URB1: variants seen among roughly 807,000 people sequenced by gnomAD.
The protein encoded by URB1 is nucleolar pre-ribosomal-associated protein 1.
In URB1, 197 loss-of-function variants were observed where a neutral mutation model predicts 242.3. The ratio of observed to expected loss-of-function variants is 0.81; its 90% CI spans 0.72 to 0.91. The LOEUF is 0.91. Ranked by LOEUF, URB1 falls within the 40% of genes least tolerant of loss-of-function variation. URB1 has a pLI of 0.00. For missense variants in URB1, 2,721 were observed against 2,860.5 expected (o/e 0.95, Z 1.11); for synonymous variants, 1,153 against 1,201.8 (o/e 0.96, Z 0.84).
chr21:32,357,751 G>A, intron 14 of URB1, 95 bp from the exon 15 acceptor site: 2 of 1,005,016 alleles, frequency 2.0e-6, no homozygotes, highest in Non-Finnish European at 2.5e-6. Context: ...CATGGGGCCA[G>A]GCGTGGTGGC....
In URB1 at chr21:32,337,415, A is replaced by C; in HGVS notation, c.4610T>G (p.Leu1537Arg). 1 of 1,551,534 alleles carries C rather than the reference A, an allele frequency of 6.4e-7. No individual in the cohort carries two copies. The highest frequency in any genetic ancestry group is 2.4e-5 in the East Asian group (1 of 40,888). Residue 1537 changes from leucine to arginine, a missense_variant, in exon 27 of 39, where the codon CTC becomes CGC. Leu to Arg is a moderately radical substitution (Grantham distance 102, BLOSUM62 -2). Transcript: ENST00000382751. ...AVLLGAYGAT[L>R]SVLDQKILLL... Reference sequence around the variant, plus strand: ...CCTCACACCCTCACCTAGGACGCTGAGAGTGGCGCCATAGGCCCCGAGAAG... The same window carrying C: ...CCTCACACCCTCACCTAGGACGCTGCGAGTGGCGCCATAGGCCCCGAGAAG...
At position 32,375,378 on chromosome 21, in the gene URB1, G is replaced by T. The variant is rs565284130; in HGVS notation, c.750+20C>A. 3.5e-6 allele frequency: 5 copies of T among 1,440,584 alleles called. No homozygotes were observed. The South Asian group carries it at 4.1e-5, about 12-fold the overall frequency. 89.2% of individuals were successfully genotyped at this position (1,440,584 alleles called of 1,614,324 possible). ...CCAAGGGAAAACAGACAACAGAAAC[G>T]CGGATCACCAAGCACATACCTTTGT... On this transcript the variant is annotated intron_variant, in intron 6 of 38. Transcript: ENST00000382751.
Position 32,311,801 on chromosome 21 carries a change from G to A in URB1, c.*3117C>T, listed in dbSNP as rs374356072. The A allele has an allele frequency of 1.2e-5, 20 of 1,613,942 alleles. No individual in the cohort carries two copies. The highest frequency in any genetic ancestry group is 2.2e-5 in the South Asian group (2 of 91,082). On this transcript the variant is annotated 3_prime_UTR_variant, in exon 39 of 39. Coordinates refer to ENST00000382751, the MANE Select transcript of URB1 (RefSeq NM_014825.3). Reference sequence around the variant, plus strand: ...CCCTGGCAACCTCACAGGCTCAGGCGAGCTCAGTGGAGCCAGGGAGCAGAA... The same window carrying A: ...CCCTGGCAACCTCACAGGCTCAGGCAAGCTCAGTGGAGCCAGGGAGCAGAA...
chr21:32,317,670 A>G lies in URB1; in HGVS notation c.6034+6T>C, dbSNP rs2032708294. On this transcript the variant is annotated splice_donor_region_variant and intron_variant, in intron 37 of 38. Coordinates refer to ENST00000382751, the MANE Select transcript of URB1 (RefSeq NM_014825.3). Reference sequence around the variant, plus strand: ...CTCTGGGCCAGTCCTGGGTTCTGACACTCACTCATGAGCTCCCGGGCTTGG... The same window carrying G: ...CTCTGGGCCAGTCCTGGGTTCTGACGCTCACTCATGAGCTCCCGGGCTTGG... 6.4e-7 allele frequency: 1 copy of G among 1,551,374 alleles called. No individual in the cohort carries two copies. Among genetic ancestry groups the G allele is most frequent in the African/African-American group, 1.4e-5 (1 of 73,012 alleles).
chr21:32,337,424 C>T lies in URB1; in HGVS notation c.4601G>A (p.Gly1534Asp), dbSNP rs2032973634. Residue 1534 changes from glycine to aspartate, a missense_variant, in exon 27 of 39, where the codon GGC (glycine) becomes GAC (aspartate). Physicochemically the swap from Gly to Asp is moderately conservative, Grantham distance 94. Transcript: ENST00000382751. ...CTCACCTAGGACGCTGAGAGTGGCGCCATAGGCCCCGAGAAGCACTGCAAA... is the reference window on the plus strand; with the variant it reads ...CTCACCTAGGACGCTGAGAGTGGCGTCATAGGCCCCGAGAAGCACTGCAAA... ...SHFAVLLGAY[G>D]ATLSVLDQKI... 3 of 1,551,658 alleles carry T rather than the reference C, an allele frequency of 1.9e-6. No homozygotes were observed. Among genetic ancestry groups the T allele is most frequent in the Non-Finnish European group, 2.6e-6 (3 of 1,146,966 alleles).
Position 32,392,959 on chromosome 21 carries a change from G to C in URB1, c.-49C>G, listed in dbSNP as rs1601164699. 1.4e-6 allele frequency: 2 copies of C among 1,444,410 alleles called. No homozygotes were observed. The highest frequency in any genetic ancestry group is 1.8e-6 in the Non-Finnish European group (2 of 1,098,102). The allele number at this position is 1,444,410 out of a possible 1,614,324, so 89.5% of individuals were successfully genotyped here. On this transcript the variant is annotated 5_prime_UTR_variant, in exon 1 of 39. Transcript: ENST00000382751. ...GGAAACGACACACCTGAGGGGACCC[G>C]GCAGGAGCACTGGCACAGACAGCAG...
chr21:32,339,494 CTTT>C lies in URB1; in HGVS notation c.4317-597_4317-595del, dbSNP rs751108545. ...AGTGCATTTATTTTCTTTTTTTTTT[CTTT>C]TTTTTTTTTTTGAGACGGAGTCTCG... is the stretch of plus-strand genomic sequence containing the variant. On this transcript the variant is annotated intron_variant, in intron 25 of 38. Transcript: ENST00000382751. 2.8e-4 allele frequency among the ~76,000 whole-genome samples: 39 copies of C among 139,128 alleles called. 1 individual carries two copies. The highest frequency in any genetic ancestry group is 5.0e-4 in the Non-Finnish European group (32 of 63,396). The allele number at this position is 139,128 out of a possible 152,430, so 91.3% of individuals were successfully genotyped here.
chr21:32,378,317 A>AC (rs1187886665), intron 5 of URB1, 128 bp downstream of exon 5: 1 of 794,000 alleles, frequency 1.3e-6, no homozygotes, highest in Non-Finnish European at 2.1e-6. Context: ...TCCCTGCCCC[A>AC]CATCCTTCAA....
Position 32,319,557 on chromosome 21 carries a change from G to A in URB1, c.5595-143C>T, listed in dbSNP as rs1168450131. ...AAAACAGGGTGCTTGCTATACAAAC[G>A]CAGCTTCCACACAGGACAAGGTGCA... On this transcript the variant is annotated intron_variant, in intron 35 of 38. Coordinates refer to ENST00000382751, the MANE Select transcript of URB1 (RefSeq NM_014825.3). 8 of 870,982 alleles carry A rather than the reference G, an allele frequency of 9.2e-6. No individual in the cohort carries two copies. In the Admixed American group the frequency reaches 1.9e-4, roughly 21 times the overall value. The allele number at this position is 870,982 out of a possible 1,614,324, so 54.0% of individuals were successfully genotyped here. A position where few individuals can be genotyped will look rare whatever the true frequency, so the allele number is the denominator to read the frequency against.
rs1193032569 is a variant in URB1 at position 32,325,381 on chromosome 21, C to T, written c.4969G>A (p.Val1657Met). ...FSELTRPEFV[V>M]DCRKFLDSNA... ...GAATCCAAAAATTTTCGACAATCCA[C>T]CACAAACTCTGCAGGAAATGAAATA... Residue 1657 changes from valine to methionine, a missense_variant, in exon 31 of 39, where the codon GTG becomes ATG. Coordinates refer to ENST00000382751, the MANE Select transcript of URB1 (RefSeq NM_014825.3). The T allele has an allele frequency of 1.9e-6, 3 of 1,549,688 alleles. No homozygotes were observed. The highest frequency in any genetic ancestry group is 2.6e-6 in the Non-Finnish European group (3 of 1,145,284).
At chr21:32,323,756 T>G (rs1169710905) in intron 32 of URB1, among the ~76,000 whole-genome samples, 1 of 152,136 alleles carries the variant, frequency 6.6e-6, no homozygotes, top group African/African-American at 2.4e-5. Context: ...GAGGATCGCT[T>G]GAGCCCAGGA....
At position 32,342,224 on chromosome 21, in the gene URB1, A is replaced by G. The variant is rs191100580; in HGVS notation, c.4258-700T>C. The stretch of plus-strand genomic sequence containing the variant: ...TAATTAGCCTTTTATTAAATAGCCA[A>G]TGAAAACTACTAGTGTGACACCTTT... On this transcript the variant is annotated intron_variant, in intron 24 of 38. Transcript: ENST00000382751. 8.7e-4 allele frequency among the ~76,000 whole-genome samples: 133 copies of G among 152,320 alleles called. 1 individual carries two copies. The highest frequency in any genetic ancestry group is 2.8e-3 in the African/African-American group (117 of 41,570).
intron 5 of URB1, among the ~76,000 whole-genome samples, chr21:32,375,687 G>C (rs1441956613): frequency 6.6e-6 from 1 of 151,850 alleles, no homozygotes; most frequent in African/African-American, 2.4e-5. Context: ...GCTCATGCCT[G>C]TAAGCCCAGC....
At chr21:32,360,323 C>T (rs1018054071) in intron 13 of URB1, among the ~76,000 whole-genome samples, 5 of 152,228 alleles carry the variant, frequency 3.3e-5, no homozygotes, top group Non-Finnish European at 7.3e-5. Flanking sequence ...CTCTAGCCGG[C>T]TCTCTGGGCT....
rs556621068 is a variant in URB1 at position 32,385,972 on chromosome 21, T to C, written c.143-288A>G. On this transcript the variant is annotated intron_variant, in intron 1 of 38. Coordinates refer to ENST00000382751, the MANE Select transcript of URB1 (RefSeq NM_014825.3). ...TTCAAGACCAGCCTGGCCAACATGG[T>C]GAAACCCCCTCTCTACTAAAAATAC... Among the ~76,000 whole-genome samples, 200 of 152,030 alleles carry C rather than the reference T, an allele frequency of 1.3e-3. 1 individual carries two copies. The highest frequency in any genetic ancestry group is 4.6e-3 in the African/African-American group (191 of 41,494).
intron 5 of URB1, 41 bp from the exon 6 acceptor site, chr21:32,375,524 T>G: frequency 8.0e-7 from 1 of 1,245,736 alleles, no homozygotes; most frequent in Non-Finnish European, 1.1e-6. Context: ...CAAAAATATT[T>G]TGAAAATGAG....
At position 32,354,087 on chromosome 21, in the gene URB1, C is replaced by T; in HGVS notation, c.2262G>A (p.Val754=). ...ISHIDDVLDM[V]DVLVEGSEGL... ...CTTCACTGCCCTCCACCAGGACATC[C>T]ACCATGTCGAGAACATCTGAGACAG... The change falls in exon 18 of 39, where the codon GTG becomes GTA. Residue 754 remains valine (V), a synonymous_variant. Transcript: ENST00000382751. 1 of 1,551,708 alleles carries T rather than the reference C, an allele frequency of 6.4e-7. No individual in the cohort carries two copies. The highest frequency in any genetic ancestry group is 2.0e-5 in the Admixed American group (1 of 51,004).
intron 6 of URB1, among the ~76,000 whole-genome samples, 194 bp from the exon 7 acceptor site, chr21:32,373,966 C>A (rs771141498): frequency 6.6e-6 from 1 of 152,096 alleles, no homozygotes. Context: ...CCTAGGATAT[C>A]GTTACTATTT....
chr21:32,364,310 G>T (rs2033321568), intron 10 of URB1, among the ~76,000 whole-genome samples: 2 of 152,232 alleles, frequency 1.3e-5, no homozygotes, highest in East Asian at 1.9e-4. Flanking sequence ...CGGAGCTCAG[G>T]AGAAATGTAG....
Sources: allele counts gnomAD v4.1 joint callset (sites outside exome capture counted in the v4.1 genomes callset), GRCh38; gene constraint gnomAD v4.1.1; transcripts MANE v1.5; gene names NCBI Gene and HGNC (gene_info 2026-07-23, HGNC 2026-07-21).